Variants in CAST observed in about 807,000 individuals in gnomAD.
CAST encodes the protein calpastatin, also known as MIR583 host.
In CAST, 76 loss-of-function variants were observed where a neutral mutation model predicts 119.6. The observed-to-expected ratio is 0.64, with a 90% CI of 0.53 to 0.77. The LOEUF (loss-of-function observed/expected upper bound fraction) is 0.77, where lower values mean the gene tolerates loss of function less well. CAST is among the 30% of genes least tolerant of loss of function. CAST has a pLI of 0.00. For synonymous variants in CAST, 319 were observed against 331.6 expected, an observed-to-expected ratio of 0.96 and a Z score of 0.41; for missense variants, 953 against 946.5, an observed-to-expected ratio of 1.01 and a Z score of -0.09.
the CAST span, among the ~76,000 whole-genome samples, chr5:96,463,290 G>A: frequency 6.6e-6 from 1 of 152,188 alleles, no homozygotes; most frequent in African/African-American, 2.4e-5. Context: ...GTGAATTAGG[G>A]CGGATTTGGA....
At chr5:96,208,056 TTGCAGGTTTTCTAGTTTGTG>T in the CAST span, among the ~76,000 whole-genome samples, 2 of 151,954 alleles carry the variant, frequency 1.3e-5, no homozygotes, top group South Asian at 2.1e-4. Flanking sequence ...TAGCTCTTTC[TTGCAGGTTTTCTAGTTTGTG>T]TGCAGGTTTT....
intron 1 of CAST, among the ~76,000 whole-genome samples, chr5:96,612,052 A>T (rs539033802): frequency 6.6e-6 from 1 of 152,290 alleles, no homozygotes; most frequent in East Asian, 1.9e-4. Flanking sequence ...TGAAGAACTA[A>T]AAATAGCACT....
At chr5:96,685,258 C>T (rs1488658272) in intron 2 of CAST, among the ~76,000 whole-genome samples, 3 of 152,110 alleles carry the variant, frequency 2.0e-5, no homozygotes, top group Non-Finnish European at 2.9e-5. Flanking sequence ...CACTTCAGCA[C>T]AGATCATAAG....
intron 24 of CAST, among the ~76,000 whole-genome samples, chr5:96,760,553 G>A (rs773179719): frequency 2.0e-5 from 3 of 151,602 alleles, no homozygotes; most frequent in Non-Finnish European, 4.4e-5. Context: ...AACAACACAT[G>A]AAAAAAATGA....
the CAST span, among the ~76,000 whole-genome samples, chr5:96,181,452 A>G: frequency 1.3e-5 from 2 of 152,160 alleles, no homozygotes; most frequent in Non-Finnish European, 2.9e-5. Flanking sequence ...CGGAGCATCA[A>G]ATGGTCTTGG....
the CAST span, among the ~76,000 whole-genome samples, chr5:96,181,412 G>T: frequency 3.3e-5 from 5 of 152,164 alleles, no homozygotes; most frequent in African/African-American, 1.2e-4. Context: ...TCCTGGGGCT[G>T]CTGTCACTTT....
chr5:96,359,230 T>C, the CAST span, among the ~76,000 whole-genome samples: 2 of 152,186 alleles, frequency 1.3e-5, no homozygotes, highest in African/African-American at 2.4e-5. Flanking sequence ...ATGTGTGTCT[T>C]TGCATGTGAG....
At position 96,610,814 on chromosome 5, in the gene CAST, A is replaced by G. The variant is rs1747346807; in HGVS notation, c.61-64725A>G. On this transcript the variant is annotated intron_variant, in intron 1 of 11. Transcript: ENST00000505143. ...AATCCCAGACCTGATAGAAAACTTC[A>G]GTAAAGTTTCAGGGAACAAAATCAA... 1.3e-5 allele frequency among the ~76,000 whole-genome samples: 2 copies of G among 152,226 alleles called. 1 individual carries two copies. The highest frequency in any genetic ancestry group is 3.8e-4 in the East Asian group (2 of 5,202).
chr5:96,246,187 C>CTTTTTTTTTTTTTTTTTTTT, the CAST span, among the ~76,000 whole-genome samples: 45 of 76,408 alleles, frequency 5.9e-4, 4 homozygotes, highest in African/African-American at 8.0e-4. Context: ...GTCTGTCTTC[C>CTTTTTTTTTTTTTTTTTTTT]TTTTTTTTTT....
rs932380700 is a variant in CAST, at chr5:96,773,353, T to C, written c.*737T>C. On this transcript the variant is annotated 3_prime_UTR_variant, in exon 32 of 32. Coordinates refer to ENST00000675179, the MANE Select transcript of CAST (RefSeq NM_001750.7). ...GCAACAGAGCAAAATAAAGGTTAGATAAGTCCTTGTGTAGCAAATTTCGAG... is the reference window on the plus strand; with the variant it reads ...GCAACAGAGCAAAATAAAGGTTAGACAAGTCCTTGTGTAGCAAATTTCGAG... The C allele has an allele frequency of 2.6e-5, 4 of 153,504 alleles. No individual in the cohort carries two copies. Among genetic ancestry groups the C allele is most frequent in the South Asian group, 2.1e-4 (1 of 4,820 alleles). 9.5% of individuals were successfully genotyped at this position (153,504 alleles called of 1,614,324 possible).
the CAST span, among the ~76,000 whole-genome samples, chr5:96,174,789 C>A: frequency 6.6e-6 from 1 of 152,124 alleles, no homozygotes; most frequent in African/African-American, 2.4e-5. Flanking sequence ...TGAGGCCTAA[C>A]CATGTACAAT....
the CAST span, among the ~76,000 whole-genome samples, chr5:96,358,150 T>G: frequency 2.0e-5 from 3 of 152,196 alleles, no homozygotes; most frequent in African/African-American, 4.8e-5. Flanking sequence ...GATGGTAGTT[T>G]ATATTTCTGT....
chr5:96,059,790 G>A, the CAST span, among the ~76,000 whole-genome samples: 1 of 152,114 alleles, frequency 6.6e-6, no homozygotes, highest in Admixed American at 6.6e-5. Context: ...GGTGAGAGTA[G>A]TCATAGTAAG....
intron 1 of CAST, among the ~76,000 whole-genome samples, chr5:96,537,083 A>G (rs1019384194): frequency 6.6e-6 from 1 of 152,238 alleles, no homozygotes; most frequent in African/African-American, 2.4e-5. Context: ...GGCTGCTTCT[A>G]AAGAAAAGAA....
intron 1 of CAST, among the ~76,000 whole-genome samples, chr5:96,566,146 G>A (rs1746465025): frequency 6.6e-6 from 1 of 152,128 alleles, no homozygotes; most frequent in Non-Finnish European, 1.5e-5. Context: ...TGTCTTCAGT[G>A]GGAATGACAG....
At chr5:96,373,071 A>C in the CAST span, among the ~76,000 whole-genome samples, 1 of 152,162 alleles carries the variant, frequency 6.6e-6, no homozygotes, top group Admixed American at 6.5e-5. Flanking sequence ...GAATTCAAGC[A>C]TGCATATTTT....
the CAST span, among the ~76,000 whole-genome samples, chr5:96,159,834 C>G: frequency 2.6e-5 from 4 of 151,902 alleles, no homozygotes; most frequent in African/African-American, 9.7e-5. Context: ...AATTCACATA[C>G]CATACAATTC....
At chr5:96,023,487 C>T in the CAST span, among the ~76,000 whole-genome samples, 3 of 152,176 alleles carry the variant, frequency 2.0e-5, no homozygotes, top group Non-Finnish European at 4.4e-5. Flanking sequence ...TACTATCATA[C>T]TAGCAGACAG....
chr5:95,982,234 T>C, the CAST span, among the ~76,000 whole-genome samples: 1 of 152,010 alleles, frequency 6.6e-6, no homozygotes, highest in African/African-American at 2.4e-5. Flanking sequence ...TTTTTATCAC[T>C]CCCCTCTGGG....
Sources: gnomAD v4.1 joint callset for allele counts (sites outside exome capture counted in the v4.1 genomes callset) on GRCh38, gnomAD v4.1.1 for gene constraint, MANE v1.5 for transcripts, NCBI Gene and HGNC (gene_info 2026-07-23, HGNC 2026-07-21) for gene names.